PLEKHM3: variants seen among roughly 807,000 people sequenced by gnomAD.
PLEKHM3 encodes pleckstrin homology domain-containing family M member 3.
A neutral mutation model predicts 81.8 loss-of-function variants in PLEKHM3; 45 were observed. The ratio of observed to expected loss-of-function variants is 0.55; its 90% CI spans 0.43 to 0.71. The LOEUF (loss-of-function observed/expected upper bound fraction) is 0.71. PLEKHM3 is among the 30% of genes least tolerant of loss of function. The pLI, the probability that PLEKHM3 is intolerant of heterozygous loss-of-function variation, is 0.00. For missense variants in PLEKHM3, 788 were observed against 924.3 expected (o/e 0.85, Z 1.91); for synonymous variants, 352 against 356.4 (o/e 0.99, Z 0.14).
At chr2:207,925,037 G>A (rs1316669020) in intron 5 of PLEKHM3, among the ~76,000 whole-genome samples, 1 of 152,116 alleles carries the variant, frequency 6.6e-6, no homozygotes, top group East Asian at 1.9e-4. Context: ...CAGCCAGCCT[G>A]CAAGGGGCCA....
intron 6 of PLEKHM3, among the ~76,000 whole-genome samples, chr2:207,868,039 C>T (rs1302962209): frequency 6.6e-6 from 1 of 152,150 alleles, no homozygotes; most frequent in Non-Finnish European, 1.5e-5. Context: ...CCAACAAGTA[C>T]ACAACAGTGA....
intron 5 of PLEKHM3, among the ~76,000 whole-genome samples, chr2:207,923,245 G>T (rs569350656): frequency 6.6e-6 from 1 of 152,174 alleles, no homozygotes; most frequent in South Asian, 2.1e-4. Context: ...TATGTTAGAG[G>T]GACTGAGGAG....
At chr2:207,935,391 C>G (rs192914222) in intron 4 of PLEKHM3, among the ~76,000 whole-genome samples, 1 of 152,046 alleles carries the variant, frequency 6.6e-6, no homozygotes, top group Admixed American at 6.5e-5. Context: ...CCAGCCCGGA[C>G]CCCCACTCAC....
At position 207,823,011 on chromosome 2, in the gene PLEKHM3, T is replaced by C. The variant is rs772293068; in HGVS notation, c.*5308A>G. 14 of 152,390 alleles carry C rather than the reference T, an allele frequency of 9.2e-5. No homozygotes were observed. Among genetic ancestry groups the C allele is most frequent in the African/African-American group, 2.4e-4 (10 of 41,548 alleles). The allele number at this position is 152,390 out of a possible 1,614,324, so 9.4% of individuals were successfully genotyped here. ...GGCTGGTTTGCAGCTTCACGGCCAA[T>C]AGGAGGGAGCCCTCCTAAGAGTTAG... On this transcript the variant is annotated 3_prime_UTR_variant, in exon 8 of 8. Coordinates refer to ENST00000427836, the MANE Select transcript of PLEKHM3 (RefSeq NM_001080475.3).
chr2:208,017,631 CT>C (rs1371035303), intron 1 of PLEKHM3, among the ~76,000 whole-genome samples: 1 of 152,276 alleles, frequency 6.6e-6, no homozygotes, highest in South Asian at 2.1e-4. Flanking sequence ...CCCTTCCTCT[CT>C]TTTTTCTTGT....
At chr2:207,946,540 G>T in intron 3 of PLEKHM3, 28 bp from the exon 4 acceptor site, 7 of 1,610,458 alleles carry the variant, frequency 4.3e-6, no homozygotes, top group Non-Finnish European at 5.9e-6. Context: ...AAGAGTCTAT[G>T]ATTGCTGTTG....
intron 3 of PLEKHM3, among the ~76,000 whole-genome samples, chr2:207,951,375 G>T (rs1479464765): frequency 6.6e-6 from 1 of 152,124 alleles, no homozygotes; most frequent in East Asian, 1.9e-4. Flanking sequence ...AGACTTTTCA[G>T]CAATGTTTCT....
At chr2:207,927,892 G>A (rs1006727886) in intron 5 of PLEKHM3, among the ~76,000 whole-genome samples, 2 of 152,158 alleles carry the variant, frequency 1.3e-5, no homozygotes, top group African/African-American at 2.4e-5. Context: ...AACTCTTGGA[G>A]ATTATTTCAC....
At chr2:207,944,141 A>G (rs1004285310) in intron 4 of PLEKHM3, among the ~76,000 whole-genome samples, 9 of 152,206 alleles carry the variant, frequency 5.9e-5, no homozygotes, top group Non-Finnish European at 8.8e-5. Flanking sequence ...GAAGCCCACT[A>G]TTAAAGGTTT....
At chr2:207,830,443 G>A (rs1279959192) in intron 7 of PLEKHM3, among the ~76,000 whole-genome samples, 1 of 151,834 alleles carries the variant, frequency 6.6e-6, no homozygotes, top group South Asian at 2.1e-4. Flanking sequence ...GTGAAACCCC[G>A]ACTCTACTGA....
chr2:207,866,315 C>T (rs2092500758), intron 6 of PLEKHM3, among the ~76,000 whole-genome samples: 1 of 152,046 alleles, frequency 6.6e-6, no homozygotes. Flanking sequence ...GCCACCATGC[C>T]CAGCTAATTT....
intron 1 of PLEKHM3, among the ~76,000 whole-genome samples, chr2:208,012,761 T>C (rs1353980687): frequency 1.3e-5 from 2 of 152,268 alleles, no homozygotes; most frequent in Admixed American, 6.5e-5. Flanking sequence ...GTCCTGCCAA[T>C]GCCTGCTCCC....
rs558650030 is a variant in PLEKHM3, at chr2:207,831,294, C to T, written c.2109-2798G>A. 3.7e-4 allele frequency among the ~76,000 whole-genome samples: 57 copies of T among 152,288 alleles called. 1 individual carries two copies. The highest frequency in any genetic ancestry group is 1.3e-3 in the African/African-American group (56 of 41,568). ...AGGGCTAGGGATTGCCTACCGGGGA[C>T]GCAGTGAGTTGGAGACAGAGTTGTG... is the stretch of plus-strand genomic sequence containing the variant. On this transcript the variant is annotated intron_variant, in intron 7 of 7. Coordinates refer to ENST00000427836, the MANE Select transcript of PLEKHM3 (RefSeq NM_001080475.3).
At chr2:207,906,266 T>C (rs73983630) in intron 6 of PLEKHM3, among the ~76,000 whole-genome samples, 3,172 of 152,280 alleles carry the variant, frequency 0.021, 105 homozygotes, top group African/African-American at 0.072. Context: ...TTTTAACCAA[T>C]TCCTCCCCTT....
rs148555888 is a variant in PLEKHM3 at position 207,851,922 on chromosome 2, G to A, written c.2108+9183C>T. On this transcript the variant is annotated intron_variant, in intron 7 of 7. Transcript: ENST00000427836. ...AGGTACCCCTTGCTGAACCTGACCC[G>A]CCAAGGGATGCACAGGAGGTGGAAG... is the stretch of plus-strand genomic sequence containing the variant. Among the ~76,000 whole-genome samples the A allele has an allele frequency of 7.9e-3, 1,198 of 152,086 alleles. 13 individuals are homozygous for A. The highest frequency in any genetic ancestry group is 0.026 in the African/African-American group (1,093 of 41,464).
chr2:207,891,610 T>C (rs757401568), intron 6 of PLEKHM3, among the ~76,000 whole-genome samples: 1 of 152,172 alleles, frequency 6.6e-6, no homozygotes, highest in Non-Finnish European at 1.5e-5. Context: ...AAGTCAATTG[T>C]TTACTTGAAC....
intron 5 of PLEKHM3, among the ~76,000 whole-genome samples, chr2:207,915,766 A>G (rs1430338790): frequency 6.6e-6 from 1 of 152,254 alleles, no homozygotes; most frequent in African/African-American, 2.4e-5. Context: ...AAGATGCATA[A>G]GGAATAATTT....
In PLEKHM3 at chr2:207,821,568, C is replaced by T. The variant is rs558164980; in HGVS notation, c.*6751G>A. 6.6e-6 allele frequency: 1 copy of T among 152,250 alleles called. No homozygotes were observed. The highest frequency in any genetic ancestry group is 2.4e-5 in the African/African-American group (1 of 41,550). The allele number at this position is 152,250 out of a possible 1,614,324, so 9.4% of individuals were successfully genotyped here. A position where few individuals can be genotyped will look rare whatever the true frequency, so the allele number is the denominator to read the frequency against. ...AATAACTTAACACAAAGTGATATAA[C>T]AGCCCAGACCCAAAATTTTAGTCAT... On this transcript the variant is annotated 3_prime_UTR_variant, in exon 8 of 8. Coordinates refer to ENST00000427836, the MANE Select transcript of PLEKHM3 (RefSeq NM_001080475.3).
chr2:207,857,444 G>A (rs949692792), intron 7 of PLEKHM3, among the ~76,000 whole-genome samples: 2 of 152,040 alleles, frequency 1.3e-5, no homozygotes, highest in African/African-American at 4.8e-5. Flanking sequence ...GTGAGTGAAA[G>A]TTTGGTATTA....
Sources: allele counts gnomAD v4.1 joint callset (sites outside exome capture counted in the v4.1 genomes callset), GRCh38; gene constraint gnomAD v4.1.1; transcripts MANE v1.5; gene names NCBI Gene and HGNC (gene_info 2026-07-23, HGNC 2026-07-21).